The following LMNB2 variants were observed in gnomAD, a reference collection of about 807,000 sequenced individuals.
LMNB2 encodes lamin B2, also known as lamin-B2.
Under a neutral mutation model 69.3 loss-of-function variants are expected in LMNB2, and 17 were observed. That is an observed-to-expected ratio of 0.25 (90% CI 0.17 to 0.37). LMNB2 has a LOEUF of 0.37. LMNB2 is among the 10% of genes least tolerant of loss of function. The pLI is 1.00. For synonymous variants in LMNB2, 397 were observed against 389.3 expected (o/e 1.02, Z -0.23); for missense variants, 789 against 883.6 (o/e 0.89, Z 1.36).
At chr19:2,450,789 G>A (rs1215637618) in intron 1 of LMNB2, among the ~76,000 whole-genome samples, 2 of 151,742 alleles carry the variant, frequency 1.3e-5, no homozygotes, top group Non-Finnish European at 2.9e-5. Context: ...GCACCACCAC[G>A]CCCAGCTAAT....
At position 2,438,440 on chromosome 19, in the gene LMNB2, C is replaced by T. The variant is rs751675653; in HGVS notation, c.493G>A (p.Ala165Thr). The T allele has an allele frequency of 6.2e-7, 1 of 1,612,592 alleles. No individual in the cohort carries two copies. The highest frequency in any genetic ancestry group is 8.5e-7 in the Non-Finnish European group (1 of 1,179,896). ...AGGCCGCGCTTGTCGCTGAGGGCAG[C>T]TGCCAGCTCCACCTCGCTCCGGTGG... ...LFHRSEVELA[A>T]ALSDKRGLES... The change falls in exon 3 of 12, where the codon GCT becomes ACT. Residue 165 changes from alanine to threonine, a missense_variant. By Grantham distance (58) the Ala-to-Thr change is moderately conservative. This residue lies in a region of LMNB2 where 145 missense variants were observed against 228.9 expected (regional missense o/e 0.63). Transcript: ENST00000325327.
intron 1 of LMNB2, among the ~76,000 whole-genome samples, chr19:2,452,224 G>C (rs1461270618): frequency 6.6e-6 from 1 of 152,136 alleles, no homozygotes; most frequent in Non-Finnish European, 1.5e-5. Context: ...ACCCATGCTT[G>C]GCCTGGTTTT....
At chr19:2,441,153 C>T (rs752775152) in intron 2 of LMNB2, among the ~76,000 whole-genome samples, 18 of 152,242 alleles carry the variant, frequency 1.2e-4, no homozygotes, top group Non-Finnish European at 2.5e-4. Flanking sequence ...ACAGGTCTCT[C>T]GTGTGAGGGG....
At chr19:2,432,261 A>C (rs1426225784) in intron 9 of LMNB2, among the ~76,000 whole-genome samples, 155 bp downstream of exon 9, 2 of 152,070 alleles carry the variant, frequency 1.3e-5, no homozygotes, top group Non-Finnish European at 2.9e-5. Flanking sequence ...TGACACCAGC[A>C]CATGGAGGTT....
chr19:2,437,799 C>CAAAAAAAAAAAAAAAAA (rs59867677), intron 4 of LMNB2, among the ~76,000 whole-genome samples: 26 of 138,632 alleles, frequency 1.9e-4, no homozygotes, highest in African/African-American at 6.9e-4. Context: ...AACTCCATCT[C>CAAAAAAAAAAAAAAAAA]AAAAAAAGAC....
chr19:2,452,066 G>A (rs1032689681), intron 1 of LMNB2, among the ~76,000 whole-genome samples: 5 of 150,264 alleles, frequency 3.3e-5, no homozygotes, highest in African/African-American at 2.5e-5. Flanking sequence ...ACCTGCCCCC[G>A]CCCCCAGCAC....
chr19:2,431,160 C>T (rs1448586476), intron 11 of LMNB2, among the ~76,000 whole-genome samples: 1 of 152,248 alleles, frequency 6.6e-6, no homozygotes, highest in Non-Finnish European at 1.5e-5. Flanking sequence ...GTCACAGGAA[C>T]TTGCGACGCA....
rs949761535 is a variant in LMNB2, at chr19:2,447,300, A to T, written c.265-2760T>A. 6.6e-6 allele frequency among the ~76,000 whole-genome samples: 1 copy of T among 152,162 alleles called. No individual in the cohort carries two copies. Among genetic ancestry groups the T allele is most frequent in the African/African-American group, 2.4e-5 (1 of 41,434 alleles). On this transcript the variant is annotated intron_variant, in intron 1 of 11. Coordinates refer to ENST00000325327, the MANE Select transcript of LMNB2 (RefSeq NM_032737.4). This position sits in a 1 kb window ranked among gnomAD's most constrained non-coding sequence, Gnocchi z 4.4. The stretch of plus-strand genomic sequence containing the variant: ...TGTGGATGCCCCTTGAGGATGTCAC[A>T]CTCATGAGACGCCAGACACAAAACG...
intron 7 of LMNB2, 64 bp from the exon 8 acceptor site, chr19:2,434,169 A>G (rs1040721326): frequency 1.3e-6 from 2 of 1,547,212 alleles, no homozygotes; most frequent in Non-Finnish European, 1.7e-6. Flanking sequence ...GGGCACGCAG[A>G]GTGGCGGCCA....
Position 2,432,792 on chromosome 19 carries a change from C to T in LMNB2, c.1483-269G>A, listed in dbSNP as rs149043253. 1.4e-3 allele frequency among the ~76,000 whole-genome samples: 206 copies of T among 149,696 alleles called. 2 individuals carry two copies. The highest frequency in any genetic ancestry group is 5.0e-3 in the African/African-American group (202 of 40,370). ...TTTCCAGTCATCTTGTCCCCTGCCT[C>T]GCATTGGCCGGCAGCCCCGTCACCC... On this transcript the variant is annotated intron_variant, in intron 8 of 11. Transcript: ENST00000325327.
rs1349469917 is a variant in LMNB2, at chr19:2,453,229, C to T, written c.264+3441G>A. ...CATGCCCAGCCTTGGCCAAGAGTCCCCTGGGGGCAGAAGCTGGCCAGGTGA... is the reference window on the plus strand; with the variant it reads ...CATGCCCAGCCTTGGCCAAGAGTCCTCTGGGGGCAGAAGCTGGCCAGGTGA... On this transcript the variant is annotated intron_variant, in intron 1 of 11. Coordinates refer to ENST00000325327, the MANE Select transcript of LMNB2 (RefSeq NM_032737.4). The surrounding 1 kb of genome is among the most constrained non-coding windows in gnomAD (Gnocchi z 4.4). Among the ~76,000 whole-genome samples, 5 of 152,150 alleles carry T rather than the reference C, an allele frequency of 3.3e-5. No homozygotes were observed. The highest frequency in any genetic ancestry group is 7.4e-5 in the Non-Finnish European group (5 of 67,996).
intron 1 of LMNB2, among the ~76,000 whole-genome samples, chr19:2,454,776 C>A (rs1278636233): frequency 3.9e-5 from 6 of 152,256 alleles, no homozygotes; most frequent in Middle Eastern, 3.4e-3. Flanking sequence ...GCCTGCCCCC[C>A]GTTCTGGAGT....
rs566154892 is a variant in LMNB2, at chr19:2,443,376, G to A, written c.401+1028C>T. 6.6e-6 allele frequency among the ~76,000 whole-genome samples: 1 copy of A among 152,296 alleles called. No individual in the cohort carries two copies. The highest frequency in any genetic ancestry group is 2.4e-5 in the African/African-American group (1 of 41,580). On this transcript the variant is annotated intron_variant, in intron 2 of 11. Transcript: ENST00000325327. This position sits in a 1 kb window ranked among gnomAD's most constrained non-coding sequence, Gnocchi z 6.2. ...GGAGAGGTCACCTGCAACCACGCAT[G>A]GGGGCCCCGGCACTGTTGGACACAG... is the stretch of plus-strand genomic sequence containing the variant.
At chr19:2,431,073 C>T in intron 11 of LMNB2, 121 bp from the exon 12 acceptor site, 1 of 726,278 alleles carries the variant, frequency 1.4e-6, no homozygotes, top group Non-Finnish European at 2.5e-6. Context: ...GTGTCTATTT[C>T]TAGAGCCTTC....
intron 1 of LMNB2, among the ~76,000 whole-genome samples, chr19:2,454,292 C>CAAAAAAA (rs58800585): frequency 3.7e-5 from 3 of 80,984 alleles, no homozygotes; most frequent in African/African-American, 1.3e-4. Flanking sequence ...GACTCTATCT[C>CAAAAAAA]AAAAAAAAAA....
intron 9 of LMNB2, 45 bp from the exon 10 acceptor site, chr19:2,431,947 C>A (rs774336469): frequency 2.5e-6 from 4 of 1,579,676 alleles, no homozygotes; most frequent in South Asian, 1.1e-5. Context: ...ACCTCTGGTT[C>A]CAGGGACGTG....
intron 1 of LMNB2, among the ~76,000 whole-genome samples, chr19:2,451,594 G>A (rs1016951948): frequency 6.6e-6 from 1 of 152,212 alleles, no homozygotes; most frequent in Non-Finnish European, 1.5e-5. Context: ...GCTGCAAAGG[G>A]CTGGGGACAG....
rs1971972166 is a variant in LMNB2, at chr19:2,447,689, A to G, written c.265-3149T>C. 6.6e-6 allele frequency among the ~76,000 whole-genome samples: 1 copy of G among 152,158 alleles called. No homozygotes were observed. Among genetic ancestry groups the G allele is most frequent in the African/African-American group, 2.4e-5 (1 of 41,438 alleles). ...CAGCCCTACAGGGCCAAGGGTGTCT[A>G]TGCAAGGTGGGTACAGGGTCGGCCT... On this transcript the variant is annotated intron_variant, in intron 1 of 11. Transcript: ENST00000325327. The surrounding 1 kb of genome is among the most constrained non-coding windows in gnomAD (Gnocchi z 4.4).
intron 1 of LMNB2, among the ~76,000 whole-genome samples, chr19:2,456,385 C>T (rs566690146): frequency 7.5e-5 from 11 of 147,412 alleles, no homozygotes; most frequent in Non-Finnish European, 1.4e-4. Context: ...CCTGGCCGAA[C>T]TGCACCGCTC....
Sources: allele counts gnomAD v4.1 joint callset (sites outside exome capture counted in the v4.1 genomes callset), GRCh38; gene constraint gnomAD v4.1.1; regional missense constraint gnomAD v4.1.1; non-coding constraint Gnocchi (gnomAD v3.1); transcripts MANE v1.5; gene names NCBI Gene and HGNC (gene_info 2026-07-23, HGNC 2026-07-21).